Variants in SAMD5 observed in about 807,000 individuals in gnomAD.
The protein encoded by SAMD5 is sterile alpha motif domain containing 5, also known as sterile alpha motif domain-containing protein 5.
In SAMD5, 13 loss-of-function variants were observed where a neutral mutation model predicts 11.3. That is an observed-to-expected ratio of 1.15 (90% CI 0.75 to 1.83). The LOEUF is 1.83. SAMD5 is among the 40% of genes most tolerant of loss of function. The pLI, the probability that SAMD5 is intolerant of heterozygous loss-of-function variation, is 0.00. For synonymous variants in SAMD5, 129 were observed against 111.3 expected (o/e 1.16, Z -1.00); for missense variants, 255 against 239.1 (o/e 1.07, Z -0.44).
intron 1 of SAMD5, among the ~76,000 whole-genome samples, chr6:147,513,476 G>C (rs956061654): frequency 6.6e-6 from 1 of 152,160 alleles, no homozygotes; most frequent in Admixed American, 6.5e-5. Context: ...GCGAGTTTGG[G>C]CGAGAAAGAT....
At chr6:147,805,290 G>A in the SAMD5 span, among the ~76,000 whole-genome samples, 1 of 152,218 alleles carries the variant, frequency 6.6e-6, no homozygotes, top group South Asian at 2.1e-4. Context: ...GTGCCCAAGT[G>A]CAGCATAAGT....
the SAMD5 span, among the ~76,000 whole-genome samples, chr6:147,885,465 C>G: frequency 6.6e-6 from 1 of 151,992 alleles, no homozygotes; most frequent in Non-Finnish European, 1.5e-5. Flanking sequence ...GCAGTTATAA[C>G]AAAATATTTT....
intron 1 of SAMD5, among the ~76,000 whole-genome samples, chr6:147,578,567 A>T (rs1041766462): frequency 6.6e-6 from 1 of 152,178 alleles, no homozygotes; most frequent in African/African-American, 2.4e-5. Flanking sequence ...AGGATTATCT[A>T]ATTGCAGAAA....
the SAMD5 span, among the ~76,000 whole-genome samples, chr6:147,875,696 G>A: frequency 6.6e-6 from 1 of 152,010 alleles, no homozygotes; most frequent in Non-Finnish European, 1.5e-5. Context: ...CACATCAGTG[G>A]CCGCGTTAGA....
At chr6:147,815,663 A>G in the SAMD5 span, among the ~76,000 whole-genome samples, 1 of 152,076 alleles carries the variant, frequency 6.6e-6, no homozygotes, top group African/African-American at 2.4e-5. Context: ...GAGCTTTTCT[A>G]AGCTTTCTCA....
chr6:147,941,849 G>GT, the SAMD5 span, among the ~76,000 whole-genome samples: 4 of 122,788 alleles, frequency 3.3e-5, no homozygotes, highest in African/African-American at 1.2e-4. Flanking sequence ...TGTGTGTGAA[G>GT]TTGGTTTGTT....
intron 1 of SAMD5, among the ~76,000 whole-genome samples, chr6:147,663,605 C>T (rs138154308): frequency 0.013 from 1,861 of 146,102 alleles, 70 homozygotes; most frequent in Admixed American, 0.076. Context: ...GCCAACATGG[C>T]GGAAACCCTG....
intron 1 of SAMD5, among the ~76,000 whole-genome samples, chr6:147,537,037 A>G (rs1020718823): frequency 1.6e-4 from 24 of 152,154 alleles, no homozygotes; most frequent in African/African-American, 5.3e-4. Flanking sequence ...AGCCACAGTT[A>G]AAGTCACAAT....
intron 1 of SAMD5, among the ~76,000 whole-genome samples, chr6:147,531,992 T>C (rs901585032): frequency 6.6e-6 from 1 of 152,170 alleles, no homozygotes; most frequent in Admixed American, 6.5e-5. Context: ...ATCATTTCTA[T>C]AGAATAGGAT....
intron 1 of SAMD5, among the ~76,000 whole-genome samples, chr6:147,722,305 G>A (rs1680493244): frequency 6.6e-6 from 1 of 151,402 alleles, no homozygotes; most frequent in Admixed American, 6.6e-5. Flanking sequence ...AGAATAATTA[G>A]CATTGTATAT....
chr6:147,584,421 T>A (rs1789345129), intron 1 of SAMD5, among the ~76,000 whole-genome samples: 1 of 152,236 alleles, frequency 6.6e-6, no homozygotes, highest in African/African-American at 2.4e-5. Flanking sequence ...ATGCTTCTTA[T>A]CCTCATGCCA....
chr6:147,901,145 G>T, the SAMD5 span, among the ~76,000 whole-genome samples: 4 of 152,110 alleles, frequency 2.6e-5, 1 homozygote, highest in South Asian at 8.3e-4. Context: ...ATGGGCTAAT[G>T]ATAGTACCAG....
At chr6:147,920,568 T>G in the SAMD5 span, among the ~76,000 whole-genome samples, 9 of 152,228 alleles carry the variant, frequency 5.9e-5, no homozygotes, top group African/African-American at 2.2e-4. Context: ...TATCCTATTC[T>G]GTCTCTCTAC....
intron 1 of SAMD5, among the ~76,000 whole-genome samples, chr6:147,710,002 T>C (rs556910506): frequency 6.6e-6 from 1 of 152,334 alleles, no homozygotes; most frequent in South Asian, 2.1e-4. Flanking sequence ...CAAAGTGCTT[T>C]ACGATCAGGC....
the SAMD5 span, among the ~76,000 whole-genome samples, chr6:147,794,401 CTT>C: frequency 1.3e-5 from 2 of 152,068 alleles, no homozygotes; most frequent in Non-Finnish European, 2.9e-5. Context: ...TACTATAAGA[CTT>C]ATTATTTCTT....
chr6:147,751,277 T>A, the SAMD5 span, among the ~76,000 whole-genome samples: 2 of 152,348 alleles, frequency 1.3e-5, no homozygotes, highest in South Asian at 2.1e-4. Context: ...CCCTCTTTCC[T>A]TGCTCTTTTT....
chr6:147,924,208 G>A, the SAMD5 span, among the ~76,000 whole-genome samples: 1 of 152,072 alleles, frequency 6.6e-6, no homozygotes, highest in Non-Finnish European at 1.5e-5. Flanking sequence ...GTGAACCTTA[G>A]GGCACTCACT....
At chr6:147,655,892 A>G (rs929255185) in intron 1 of SAMD5, among the ~76,000 whole-genome samples, 2 of 152,230 alleles carry the variant, frequency 1.3e-5, no homozygotes, top group African/African-American at 4.8e-5. Context: ...AGAAAGAATA[A>G]CACTTTCTAA....
rs117090180 is a variant in SAMD5 at position 147,568,313 on chromosome 6, A to G, written c.*3857A>G. 2.3e-5 allele frequency: 23 copies of G among 985,328 alleles called. No homozygotes were observed. The highest frequency in any genetic ancestry group is 2.8e-5 in the Non-Finnish European group (23 of 829,830). 61.0% of individuals were successfully genotyped at this position (985,328 alleles called of 1,614,324 possible). On this transcript the variant is annotated 3_prime_UTR_variant, in exon 2 of 2. Coordinates refer to ENST00000367474, the MANE Select transcript of SAMD5 (RefSeq NM_001030060.3). ...TGAATTTTTCCCTTATAAGAGCCTG[A>G]GTATTGTAACAGGTCTCTTGCACAG... is the stretch of plus-strand genomic sequence containing the variant.
Sources: allele counts gnomAD v4.1 joint callset (sites outside exome capture counted in the v4.1 genomes callset), GRCh38; gene constraint gnomAD v4.1.1; transcripts MANE v1.5; gene names NCBI Gene and HGNC (gene_info 2026-07-23, HGNC 2026-07-21).